Variants in FHOD3 observed in about 807,000 individuals in gnomAD.
The protein encoded by FHOD3 is FH1/FH2 domain-containing protein 3.
In FHOD3, 90 loss-of-function variants were observed where a neutral mutation model predicts 173.0. The observed-to-expected ratio is 0.52, with a 90% CI of 0.44 to 0.62. The LOEUF is 0.62. Among genes scored for constraint, FHOD3 ranks in the 20% least tolerant of loss-of-function variants. FHOD3 has a pLI of 0.00. For synonymous variants in FHOD3, 828 were observed against 823.0 expected (o/e 1.01, Z -0.10); for missense variants, 1,945 against 2,034.7 (o/e 0.96, Z 0.85).
chr18:36,646,620 C>T (rs1004650264), intron 10 of FHOD3, among the ~76,000 whole-genome samples: 4 of 152,132 alleles, frequency 2.6e-5, no homozygotes, highest in African/African-American at 9.7e-5. Context: ...TGGTTCTGGG[C>T]CAATTGCGTA....
intron 1 of FHOD3, among the ~76,000 whole-genome samples, chr18:36,307,962 A>T (rs1212288576): frequency 6.6e-6 from 1 of 152,234 alleles, no homozygotes; most frequent in Non-Finnish European, 1.5e-5. Context: ...GTCATTAAAT[A>T]TTCTTGGAGC....
intron 17 of FHOD3, among the ~76,000 whole-genome samples, chr18:36,707,028 A>G (rs2039921161): frequency 6.6e-6 from 1 of 152,246 alleles, no homozygotes; most frequent in East Asian, 1.9e-4. Flanking sequence ...AAATTCCTTC[A>G]GTACCAAAGG....
chr18:36,427,861 A>G (rs2050331781), intron 3 of FHOD3, among the ~76,000 whole-genome samples: 1 of 152,224 alleles, frequency 6.6e-6, no homozygotes, highest in African/African-American at 2.4e-5. Flanking sequence ...AGGCACTGTC[A>G]CTGGATGTAT....
intron 8 of FHOD3, among the ~76,000 whole-genome samples, chr18:36,605,355 T>C (rs558050910): frequency 1.3e-5 from 2 of 152,306 alleles, no homozygotes; most frequent in East Asian, 3.9e-4. Flanking sequence ...GGTACTTTGT[T>C]GCTAATCACT....
At chr18:36,393,413 G>C (rs2048396124) in intron 3 of FHOD3, among the ~76,000 whole-genome samples, 1 of 152,030 alleles carries the variant, frequency 6.6e-6, no homozygotes, top group Non-Finnish European at 1.5e-5. Flanking sequence ...TAGGATTCTT[G>C]GTGGCATCCC....
At position 36,297,789 on chromosome 18, in the gene FHOD3, C is replaced by G. The variant is rs2091832673; in HGVS notation, c.-47C>G. On this transcript the variant is annotated 5_prime_UTR_variant, in exon 1 of 29. Transcript: ENST00000590592. ...GCAGCTACCCGGGCGTCCCGGCCCG[C>G]GGCCCCGCTAACCCCGGGGCCCGCG... is the stretch of plus-strand genomic sequence containing the variant. 6.9e-7 allele frequency: 1 copy of G among 1,453,226 alleles called. No individual in the cohort carries two copies. Among genetic ancestry groups the G allele is most frequent in the Non-Finnish European group, 9.1e-7 (1 of 1,096,298 alleles). 90.0% of individuals were successfully genotyped at this position (1,453,226 alleles called of 1,614,324 possible).
rs9946644 is a variant in FHOD3 at position 36,607,712 on chromosome 18, A to G, written c.814-4240A>G. On this transcript the variant is annotated intron_variant, in intron 8 of 28. Coordinates refer to ENST00000590592, the MANE Select transcript of FHOD3 (RefSeq NM_001281740.3). ...TTCCTATAAGCAGTTAAGAGTAACTATACAACTCCTTCAATATTTTTCTTA... is the reference window on the plus strand; with the variant it reads ...TTCCTATAAGCAGTTAAGAGTAACTGTACAACTCCTTCAATATTTTTCTTA... Among the ~76,000 whole-genome samples the G allele has an allele frequency of 8.8e-3, 1,334 of 152,260 alleles. 25 individuals carry two copies. The highest frequency in any genetic ancestry group is 0.03 in the African/African-American group (1,264 of 41,552).
chr18:36,351,295 C>A (rs533627461), intron 1 of FHOD3, among the ~76,000 whole-genome samples: 1 of 152,190 alleles, frequency 6.6e-6, no homozygotes, highest in South Asian at 2.1e-4. Context: ...GCCTGCCCAC[C>A]CATTTATTAG....
chr18:36,425,994 G>T (rs1413543809), intron 3 of FHOD3, among the ~76,000 whole-genome samples: 1 of 151,340 alleles, frequency 6.6e-6, no homozygotes, highest in African/African-American at 2.4e-5. Context: ...TCTGCCTCCC[G>T]GGTTCATGCC....
intron 5 of FHOD3, among the ~76,000 whole-genome samples, chr18:36,560,845 T>C (rs1472134150): frequency 6.6e-6 from 1 of 151,628 alleles, no homozygotes; most frequent in African/African-American, 2.4e-5. Context: ...TTTTTCTGTT[T>C]TTTTTTTTTG....
At chr18:36,543,820 A>G (rs1012972989) in intron 5 of FHOD3, among the ~76,000 whole-genome samples, 2 of 152,230 alleles carry the variant, frequency 1.3e-5, no homozygotes, top group African/African-American at 2.4e-5. Context: ...TGAGTGTTTC[A>G]AAAACAGTTC....
chr18:36,539,143 G>A (rs942891795), intron 5 of FHOD3, among the ~76,000 whole-genome samples: 4 of 152,140 alleles, frequency 2.6e-5, no homozygotes, highest in African/African-American at 9.7e-5. Flanking sequence ...AATTAGCATA[G>A]GCTGGATTAT....
chr18:36,502,111 A>G (rs889295411), intron 4 of FHOD3, 112 bp downstream of exon 4: 4 of 580,292 alleles, frequency 6.9e-6, no homozygotes, highest in African/African-American at 1.9e-5. Flanking sequence ...TTAGATTACA[A>G]TATTTATATT....
At chr18:36,500,174 GT>G (rs1456735228) in intron 3 of FHOD3, among the ~76,000 whole-genome samples, 1 of 152,184 alleles carries the variant, frequency 6.6e-6, no homozygotes, top group Non-Finnish European at 1.5e-5. Flanking sequence ...CCACTGAAGG[GT>G]TTAAATGGGG....
In FHOD3 at chr18:36,730,890, A is replaced by G. The variant is rs1046264504; in HGVS notation, c.3576+86A>G. ...TGCATGTCCACATTTCAAAAGATCC[A>G]TGGTGCCTTTCTGTCTCAACTAGAC... On this transcript the variant is annotated intron_variant, in intron 20 of 28. Transcript: ENST00000590592. The G allele has an allele frequency of 3.6e-6, 5 of 1,402,824 alleles. No individual in the cohort carries two copies. In the East Asian group the frequency reaches 9.3e-5, roughly 26 times the overall value. The allele number at this position is 1,402,824 out of a possible 1,614,324, so 86.9% of individuals were successfully genotyped here.
chr18:36,541,691 T>A (rs1313255372), intron 5 of FHOD3, among the ~76,000 whole-genome samples: 1 of 152,214 alleles, frequency 6.6e-6, no homozygotes, highest in Non-Finnish European at 1.5e-5. Context: ...GACGTTAGGA[T>A]AACAGGGAGG....
intron 20 of FHOD3, among the ~76,000 whole-genome samples, chr18:36,733,075 C>A (rs1434718393): frequency 6.6e-6 from 1 of 152,128 alleles, no homozygotes; most frequent in African/African-American, 2.4e-5. Flanking sequence ...ATCATGCACC[C>A]ACAGATAATC....
rs545941132 is a variant in FHOD3 at position 36,549,574 on chromosome 18, G to C, written c.512-26877G>C. On this transcript the variant is annotated intron_variant, in intron 5 of 28. Coordinates refer to ENST00000590592, the MANE Select transcript of FHOD3 (RefSeq NM_001281740.3). ...TTTTTTTGAGATGGAGTCTCGCTCT[G>C]TTACCCAGGCTGGAGTGCAGTGGTG... Among the ~76,000 whole-genome samples, 3 of 108,986 alleles carry C rather than the reference G, an allele frequency of 2.8e-5. No homozygotes were observed. The East Asian group carries it at 8.4e-4, about 30-fold the overall frequency. The allele number at this position is 108,986 out of a possible 152,430, so 71.5% of individuals were successfully genotyped here. A position where few individuals can be genotyped will look rare whatever the true frequency, so the allele number is the denominator to read the frequency against.
At chr18:36,568,326 CAAAAAAAAAAAAAAAAAAAAAAAAAA>C (rs71168234) in intron 5 of FHOD3, among the ~76,000 whole-genome samples, 12 of 24,046 alleles carry the variant, frequency 5.0e-4, no homozygotes, top group East Asian at 4.3e-3. Context: ...GACTCTGTCT[CAAAAAAAAAAAAAAAAAAAAAAAAAA>C]AAAAAAAAAA....
Sources: allele counts gnomAD v4.1 joint callset (sites outside exome capture counted in the v4.1 genomes callset), GRCh38; gene constraint gnomAD v4.1.1; transcripts MANE v1.5; gene names NCBI Gene and HGNC (gene_info 2026-07-23, HGNC 2026-07-21).